Variants in MTHFSD observed in about 807,000 individuals in gnomAD.
MTHFSD encodes the protein methenyltetrahydrofolate synthase domain-containing protein.
Under a neutral mutation model 31.1 loss-of-function variants are expected in MTHFSD, and 37 were observed. That is an observed-to-expected ratio of 1.19 (90% CI 0.91 to 1.56). MTHFSD has a LOEUF of 1.56. Among genes scored for constraint, MTHFSD ranks in the 40% most tolerant of loss-of-function variants. MTHFSD has a pLI of 0.00. For missense variants in MTHFSD, 664 were observed against 510.1 expected (o/e 1.30, Z -2.91); for synonymous variants, 221 against 206.9 (o/e 1.07, Z -0.59).
At position 86,542,655 on chromosome 16, in the gene MTHFSD, C is replaced by T. The variant is rs75040209; in HGVS notation, c.443-442G>A. 9.6e-3 allele frequency: 1,567 copies of T among 163,720 alleles called. 24 individuals are homozygous for T. Among genetic ancestry groups the T allele is most frequent in the African/African-American group, 0.036 (1,490 of 41,688 alleles). The allele number at this position is 163,720 out of a possible 1,614,324, so 10.1% of individuals were successfully genotyped here. On this transcript the variant is annotated intron_variant, in intron 5 of 7. Transcript: ENST00000360900. The surrounding 1 kb of genome is among the most constrained non-coding windows in gnomAD (Gnocchi z 4.6). ...CTCTGAAGTCAGGAGTGTGTGAGGG[C>T]ATGGCCTTGTTTCTTCAAAAGCACT...
At chr16:86,548,409 A>G in intron 4 of MTHFSD, 55 bp downstream of exon 4, 2 of 1,371,034 alleles carry the variant, frequency 1.5e-6, no homozygotes, top group Non-Finnish European at 2.1e-6. Context: ...AGTCGTCAGA[A>G]GCCTTCACAG....
intron 2 of MTHFSD, among the ~76,000 whole-genome samples, chr16:86,552,862 G>C (rs1171385652): frequency 6.6e-6 from 1 of 152,186 alleles, no homozygotes; most frequent in Admixed American, 6.5e-5. Flanking sequence ...CTGACAAAAT[G>C]GGGTGAAGCA....
intron 7 of MTHFSD, chr16:86,532,773 C>A (rs1157641069): frequency 3.8e-6 from 1 of 264,592 alleles, no homozygotes; most frequent in Non-Finnish European, 7.1e-6. Context: ...CTCCATTTTC[C>A]TCCAGGCCCA....
In MTHFSD at chr16:86,541,873, C is replaced by T. The variant is rs372634485; in HGVS notation, c.556-51G>A. On this transcript the variant is annotated intron_variant, in intron 6 of 7. Coordinates refer to ENST00000360900, the MANE Select transcript of MTHFSD (RefSeq NM_001159377.2). ...GGGCTGCTGGGAATGCCACTGCAGT[C>T]GTGCACACTGCCCCGCTCGGTGGGA... 12 of 1,606,630 alleles carry T rather than the reference C, an allele frequency of 7.5e-6. No homozygotes were observed. In the African/African-American group the frequency reaches 9.4e-5, roughly 13 times the overall value.
intron 2 of MTHFSD, chr16:86,553,625 T>C: frequency 6.4e-6 from 1 of 157,148 alleles, no homozygotes; most frequent in South Asian, 1.9e-4. Context: ...CTGCCATGCC[T>C]GAGCCTCCCC....
In MTHFSD at chr16:86,542,478, CAAA is replaced by C; in HGVS notation, c.443-268_443-266del. ...AACACTGGACCGTTCAAGCATGTCA[CAAA>C]GGGAAACAGATCACACTCATGTCAG... On this transcript the variant is annotated intron_variant, in intron 5 of 7. Coordinates refer to ENST00000360900, the MANE Select transcript of MTHFSD (RefSeq NM_001159377.2). This position sits in a 1 kb window ranked among gnomAD's most constrained non-coding sequence, Gnocchi z 4.6. The C allele has an allele frequency of 7.4e-6, 3 of 403,648 alleles. No individual in the cohort carries two copies. Among genetic ancestry groups the C allele is most frequent in the South Asian group, 4.4e-5 (1 of 22,744 alleles). 25.0% of individuals were successfully genotyped at this position (403,648 alleles called of 1,614,324 possible).
Position 86,555,180 on chromosome 16 carries a change from T to G in MTHFSD, c.5A>C (p.Glu2Ala). 1.3e-6 allele frequency: 2 copies of G among 1,536,876 alleles called. No homozygotes were observed. The highest frequency in any genetic ancestry group is 1.4e-5 in the African/African-American group (1 of 73,096). Residue 2 changes from glutamate (E) to alanine (A), a missense_variant, in exon 1 of 8, where the codon GAG becomes GCG. By Grantham distance (107) the Glu-to-Ala change is moderately radical. Coordinates refer to ENST00000360900, the MANE Select transcript of MTHFSD (RefSeq NM_001159377.2). ...GCCAGGCCCCCCACCTGCCCTCGGC[T>G]CCATGGTGATGCAGTCGCTGTGCGA... The part of the protein sequence containing the change: M[E>A]PRAVGVSKQD...
At chr16:86,540,180 G>C (rs914931055) in intron 7 of MTHFSD, among the ~76,000 whole-genome samples, 24 of 152,148 alleles carry the variant, frequency 1.6e-4, no homozygotes, top group Admixed American at 1.5e-3. Flanking sequence ...CCATGCAAAG[G>C]GATTATCAGG....
chr16:86,535,650 T>A, intron 7 of MTHFSD: 1 of 330,248 alleles, frequency 3.0e-6, no homozygotes, highest in Non-Finnish European at 4.3e-6. Context: ...CTAGACATGC[T>A]AAGTCAAATA....
Position 86,532,402 on chromosome 16 carries a change from G to T in MTHFSD, c.761C>A (p.Thr254Asn). Residue 254 changes from threonine (T) to asparagine (N), a missense_variant, in exon 8 of 8, where the codon ACC (threonine) becomes AAC (asparagine). Physicochemically the swap from Thr to Asn is moderately conservative, Grantham distance 65. Transcript: ENST00000360900. The stretch of plus-strand genomic sequence containing the variant: ...AAGGTGCTGGTGCTCACCCTGGAGG[G>T]TGACATCCTTCCCAGCCTGCTGCTC... Reference protein sequence around the residue: ...AREQQAGKDVTLQGEHQHLPE... With the variant: ...AREQQAGKDVNLQGEHQHLPE... 1 of 1,530,012 alleles carries T rather than the reference G, an allele frequency of 6.5e-7. No individual in the cohort carries two copies. The highest frequency in any genetic ancestry group is 8.8e-7 in the Non-Finnish European group (1 of 1,140,014). 94.8% of individuals were successfully genotyped at this position (1,530,012 alleles called of 1,614,324 possible). A position where few individuals can be genotyped will look rare whatever the true frequency, so the allele number is the denominator to read the frequency against.
At chr16:86,535,027 G>A (rs1970484680) in intron 7 of MTHFSD, among the ~76,000 whole-genome samples, 1 of 152,254 alleles carries the variant, frequency 6.6e-6, no homozygotes, top group African/African-American at 2.4e-5. Flanking sequence ...GGGTTCTGCG[G>A]CAGAAATCTG....
At chr16:86,552,308 T>G (rs1199560082) in intron 2 of MTHFSD, 162 bp from the exon 3 acceptor site, 4 of 1,543,706 alleles carry the variant, frequency 2.6e-6, no homozygotes, top group Non-Finnish European at 3.5e-6. Flanking sequence ...TCCAATGCAA[T>G]CGCACGTTAC....
rs780030965 is a variant in MTHFSD, at chr16:86,546,567, G to A, written c.434C>T (p.Ser145Phe). The A allele has an allele frequency of 8.7e-6, 14 of 1,613,836 alleles. No individual in the cohort carries two copies. In the South Asian group the frequency reaches 1.2e-4, roughly 14 times the overall value. Residue 145 changes from serine to phenylalanine, a missense_variant, in exon 5 of 8, where the codon TCT becomes TTT. Transcript: ENST00000360900. ...CCATCTGCTAGTCTTACCTTTTTCA[G>A]AAACGGCGACGGATCCCACCACAAC... ...DLVVVGSVAV[S>F]EKGWRIGKGE...
chr16:86,549,722 AAC>A (rs1405687286), intron 3 of MTHFSD, among the ~76,000 whole-genome samples: 1 of 152,268 alleles, frequency 6.6e-6, no homozygotes, highest in African/African-American at 2.4e-5. Flanking sequence ...TGGCATGGCC[AAC>A]AGTCTTCAAA....
Position 86,542,860 on chromosome 16 carries a change from G to A in MTHFSD, c.443-647C>T, listed in dbSNP as rs1253207533. ...CAGCTATTCAGAGACAAAAATGCAG[G>A]AAGACAGGATACATCAAATGCCTTC... On this transcript the variant is annotated intron_variant, in intron 5 of 7. Transcript: ENST00000360900. This position sits in a 1 kb window ranked among gnomAD's most constrained non-coding sequence, Gnocchi z 4.6. 1.3e-5 allele frequency among the ~76,000 whole-genome samples: 2 copies of A among 152,206 alleles called. No homozygotes were observed. Among genetic ancestry groups the A allele is most frequent in the African/African-American group, 2.4e-5 (1 of 41,462 alleles).
chr16:86,554,906 G>T, intron 1 of MTHFSD, 155 bp from the exon 2 acceptor site: 1 of 1,072,846 alleles, frequency 9.3e-7, no homozygotes, highest in Non-Finnish European at 1.3e-6. Flanking sequence ...AGGGGCCCAC[G>T]GGCTCCCCCA....
chr16:86,548,496 T>C lies in MTHFSD; in HGVS notation c.319A>G (p.Lys107Glu). 1.2e-6 allele frequency: 2 copies of C among 1,614,000 alleles called. No homozygotes were observed. Among genetic ancestry groups the C allele is most frequent in the Non-Finnish European group, 8.5e-7 (1 of 1,179,964 alleles). The stretch of plus-strand genomic sequence containing the variant: ...GTGGCACATTTTCTCAAGATGTCTT[T>C]AGTTGCCCCAGGGGGTGGTGTGATC... ...NKITPPPGAT[K>E]DILRKCATSQ... The change falls in exon 4 of 8, where the codon AAA becomes GAA. Residue 107 changes from lysine to glutamate, a missense_variant. Physicochemically the swap from Lys to Glu is moderately conservative, Grantham distance 56. Coordinates refer to ENST00000360900, the MANE Select transcript of MTHFSD (RefSeq NM_001159377.2).
chr16:86,551,420 C>T (rs1973128044), intron 3 of MTHFSD, among the ~76,000 whole-genome samples: 1 of 152,202 alleles, frequency 6.6e-6, no homozygotes. Flanking sequence ...CTAAATCTTC[C>T]TTGTAATCTT....
intron 7 of MTHFSD, among the ~76,000 whole-genome samples, chr16:86,538,950 G>A (rs1971097772): frequency 1.3e-5 from 2 of 152,176 alleles, no homozygotes; most frequent in Admixed American, 6.5e-5. Context: ...AAGAGCACAC[G>A]AGGACAGAGC....
Sources: allele counts gnomAD v4.1 joint callset (sites outside exome capture counted in the v4.1 genomes callset), GRCh38; gene constraint gnomAD v4.1.1; non-coding constraint Gnocchi (gnomAD v3.1); transcripts MANE v1.5; gene names NCBI Gene and HGNC (gene_info 2026-07-23, HGNC 2026-07-21).